Variants in USP40 observed in about 807,000 individuals in gnomAD.
The protein encoded by USP40 is ubiquitin specific peptidase 40.
A neutral mutation model predicts 166.2 loss-of-function variants in USP40; 143 were observed. That is an observed-to-expected ratio of 0.86 (90% confidence interval 0.75 to 0.99). The LOEUF (loss-of-function observed/expected upper bound fraction) is 0.99, where lower values mean the gene tolerates loss of function less well. Among genes scored for constraint, USP40 ranks in the 50% least tolerant of loss-of-function variants. USP40 has a pLI of 0.00. For synonymous variants in USP40, 498 were observed against 524.0 expected, an observed-to-expected ratio of 0.95 and a Z score of 0.68; for missense variants, 1,444 against 1,479.7, an observed-to-expected ratio of 0.98 and a Z score of 0.40.
At chr2:233,551,967 TGAG>T (rs1033123408) in intron 6 of USP40, among the ~76,000 whole-genome samples, 24 of 152,282 alleles carry the variant, frequency 1.6e-4, no homozygotes, top group South Asian at 1.5e-3. Context: ...TGTATTTTTC[TGAG>T]GAGAAGATTC....
At chr2:233,534,479 A>T (rs1018603825) in intron 10 of USP40, among the ~76,000 whole-genome samples, 1 of 152,218 alleles carries the variant, frequency 6.6e-6, no homozygotes, top group Non-Finnish European at 1.5e-5. Flanking sequence ...ATAGAAAATT[A>T]CTTGGGAGTT....
chr2:233,518,435 C>T (rs1406397838), intron 18 of USP40, among the ~76,000 whole-genome samples: 1 of 151,410 alleles, frequency 6.6e-6, no homozygotes, highest in Non-Finnish European at 1.5e-5. Context: ...GGCGTGGTGG[C>T]ACACGCCTGT....
In USP40 at chr2:233,523,366, GAAAGACATGTGGAGATTCT is replaced by G. The variant is rs756598303; in HGVS notation, c.1986_2004del (p.Glu663GlnfsTer13). On this transcript the variant is annotated frameshift_variant, in exon 16 of 32. Coordinates refer to ENST00000678225, the MANE Select transcript of USP40 (RefSeq NM_001365479.2). LOFTEE classifies it high-confidence loss of function. ...ACAGTGCCCACTTCTGCATTAGCTG[GAAAGACATGTGGAGATTCT>G]ATCACCTGACAACACTTTTCTCCAT... is the stretch of plus-strand genomic sequence containing the variant. The G allele has an allele frequency of 2.5e-6, 4 of 1,613,994 alleles. No individual in the cohort carries two copies. The highest frequency in any genetic ancestry group is 3.4e-6 in the Non-Finnish European group (4 of 1,179,892).
chr2:233,487,977 C>A (rs2065056202), intron 28 of USP40: 2 of 646,266 alleles, frequency 3.1e-6, no homozygotes, highest in East Asian at 6.5e-5. Flanking sequence ...CTTGCTGACA[C>A]TTCAGGGCCA....
chr2:233,502,578 C>T (rs890366494), intron 21 of USP40, among the ~76,000 whole-genome samples: 1 of 152,114 alleles, frequency 6.6e-6, no homozygotes, highest in Non-Finnish European at 1.5e-5. Flanking sequence ...CTGACCCACA[C>T]ATGTTTGCAC....
intron 23 of USP40, among the ~76,000 whole-genome samples, chr2:233,497,559 T>A (rs919820344): frequency 5.9e-5 from 9 of 152,174 alleles, no homozygotes; most frequent in African/African-American, 1.9e-4. Flanking sequence ...TATTTTACTC[T>A]TGAAGATTAG....
chr2:233,513,350 A>G (rs990889077), intron 18 of USP40, among the ~76,000 whole-genome samples: 3 of 152,088 alleles, frequency 2.0e-5, no homozygotes, highest in African/African-American at 7.2e-5. Context: ...TTGATTATGT[A>G]TTCTTGTAAA....
In USP40 at chr2:233,540,434, AT is replaced by A. The variant is rs200980543; in HGVS notation, c.1170+227del. Among the ~76,000 whole-genome samples the A allele has an allele frequency of 6.3e-3, 965 of 152,262 alleles. 22 individuals carry two copies. In the East Asian group the frequency reaches 0.084, roughly 13 times the overall value. ...TAAGCTTTAGGGGATGAACTCTGAC[AT>A]TTTTTAGGAGTCACTCCCCACTATT... On this transcript the variant is annotated intron_variant, in intron 10 of 31. Coordinates refer to ENST00000678225, the MANE Select transcript of USP40 (RefSeq NM_001365479.2).
At chr2:233,548,400 A>C (rs939075104) in intron 8 of USP40, among the ~76,000 whole-genome samples, 3 of 152,192 alleles carry the variant, frequency 2.0e-5, no homozygotes, top group African/African-American at 4.8e-5. Flanking sequence ...TACAAAATTA[A>C]TATTGTGTGT....
chr2:233,522,987 A>G (rs1455897207), intron 16 of USP40, among the ~76,000 whole-genome samples, 183 bp downstream of exon 16: 1 of 152,230 alleles, frequency 6.6e-6, no homozygotes, highest in African/African-American at 2.4e-5. Context: ...CCTTTACAAA[A>G]AATCATGTTT....
rs925548382 is a variant in USP40, at chr2:233,486,085, A to G, written c.3198-108T>C. ...CTCCTCCAGCTTTTCTGGTTTTTAT[A>G]AGGAGAGATTTTTCCCTAAATGCTG... is the stretch of plus-strand genomic sequence containing the variant. On this transcript the variant is annotated intron_variant, in intron 28 of 31. Coordinates refer to ENST00000678225, the MANE Select transcript of USP40 (RefSeq NM_001365479.2). The surrounding 1 kb of genome is among the most constrained non-coding windows in gnomAD (Gnocchi z 4.0). 6 of 1,255,760 alleles carry G rather than the reference A, an allele frequency of 4.8e-6. No homozygotes were observed. The highest frequency in any genetic ancestry group is 6.5e-6 in the Non-Finnish European group (6 of 922,096). The allele number at this position is 1,255,760 out of a possible 1,614,324, so 77.8% of individuals were successfully genotyped here. A position where few individuals can be genotyped will look rare whatever the true frequency, so the allele number is the denominator to read the frequency against.
At chr2:233,558,001 CAAAAAAAAAA>C (rs71058563) in intron 4 of USP40, among the ~76,000 whole-genome samples, 2 of 51,356 alleles carry the variant, frequency 3.9e-5, no homozygotes, top group Non-Finnish European at 6.8e-5. Flanking sequence ...GACCTCATCT[CAAAAAAAAAA>C]AAAAAAAAAA....
chr2:233,499,165 C>A (rs377725292), intron 22 of USP40, among the ~76,000 whole-genome samples: 2 of 150,836 alleles, frequency 1.3e-5, no homozygotes, highest in African/African-American at 4.9e-5. Context: ...TCCCACCCCC[C>A]CATACACCAA....
rs2065775580 is a variant in USP40, at chr2:233,496,826, T to C, written c.2722A>G (p.Thr908Ala). The change falls in exon 24 of 32, where the codon ACA becomes GCA. Residue 908 changes from threonine to alanine, a missense_variant. Physicochemically the swap from Thr to Ala is moderately conservative, Grantham distance 58. Transcript: ENST00000678225. ...AGEPLCEEDA[T>A]LKELLICSGD... ...GAACATATCAGAAGTTCTTTCAGTGTTGCATCCTGGGAAGACAAAAATGCT... is the reference window on the plus strand; with the variant it reads ...GAACATATCAGAAGTTCTTTCAGTGCTGCATCCTGGGAAGACAAAAATGCT... 6 of 1,612,174 alleles carry C rather than the reference T, an allele frequency of 3.7e-6. No individual in the cohort carries two copies. Among genetic ancestry groups the C allele is most frequent in the Non-Finnish European group, 5.1e-6 (6 of 1,179,272 alleles).
Position 233,565,397 on chromosome 2 carries a change from T to C in USP40, c.158A>G (p.Asn53Ser), listed in dbSNP as rs750501824. 32 of 1,537,174 alleles carry C rather than the reference T, an allele frequency of 2.1e-5. No homozygotes were observed. The highest frequency in any genetic ancestry group is 1.4e-4 in the African/African-American group (10 of 73,028). The part of the protein sequence containing the change: ...IRNQGGTCYL[N>S]SLLQTLHFTP... ...GAAATGAAGAGTCTGAAGAAGGGAA[T>C]TGAGGTAACAGGTTCCACCCTGATT... Residue 53 changes from asparagine to serine, a missense_variant, in exon 2 of 32, where the codon AAT becomes AGT. Asn to Ser is a conservative substitution (Grantham distance 46). Coordinates refer to ENST00000678225, the MANE Select transcript of USP40 (RefSeq NM_001365479.2).
chr2:233,537,974 A>G (rs1427853913), intron 10 of USP40, among the ~76,000 whole-genome samples: 1 of 152,188 alleles, frequency 6.6e-6, no homozygotes, highest in Non-Finnish European at 1.5e-5. Context: ...TGTAATTTAC[A>G]TTACATGTAA....
chr2:233,564,330 G>A (rs546972068), intron 2 of USP40, among the ~76,000 whole-genome samples: 17 of 152,256 alleles, frequency 1.1e-4, no homozygotes, highest in Non-Finnish European at 2.4e-4. Flanking sequence ...GAGACACTGT[G>A]GAGAGCTGAG....
Position 233,533,508 on chromosome 2 carries a change from C to T in USP40, c.1442G>A (p.Arg481Gln), listed in dbSNP as rs764770303. Residue 481 changes from arginine (R) to glutamine (Q), a missense_variant, in exon 11 of 32, where the codon CGG becomes CAG. Arg to Gln is a conservative substitution (Grantham distance 43). Transcript: ENST00000678225. The part of the protein sequence containing the change: ...GKESAYMLFY[R>Q]KSQLQRPPEA... ...AGGGGGTCTCTGCAACTGGGATTTC[C>T]GATAAAACAACATGTAGGCACTTTC... 8 of 1,613,354 alleles carry T rather than the reference C, an allele frequency of 5.0e-6. No individual in the cohort carries two copies. Among genetic ancestry groups the T allele is most frequent in the East Asian group, 2.2e-5 (1 of 44,876 alleles).
In USP40 at chr2:233,562,213, G is replaced by C. The variant is rs1292774728; in HGVS notation, c.267+523C>G. Among the ~76,000 whole-genome samples the C allele has an allele frequency of 2.0e-5, 3 of 146,572 alleles. No individual in the cohort carries two copies. In the East Asian group the frequency reaches 6.1e-4, roughly 30 times the overall value. On this transcript the variant is annotated intron_variant, in intron 3 of 31. Transcript: ENST00000678225. Reference sequence around the variant, plus strand: ...CATTTGACCCAGCCATCCCATTACTGGGTATATACCCAAAGGACTATAAAT... The same window carrying C: ...CATTTGACCCAGCCATCCCATTACTCGGTATATACCCAAAGGACTATAAAT...
Sources: allele counts gnomAD v4.1 joint callset (sites outside exome capture counted in the v4.1 genomes callset), GRCh38; gene constraint gnomAD v4.1.1; non-coding constraint Gnocchi (gnomAD v3.1); transcripts MANE v1.5; gene names NCBI Gene and HGNC (gene_info 2026-07-23, HGNC 2026-07-21).